STIM1: variants seen among roughly 807,000 people sequenced by gnomAD.
STIM1 encodes stromal interaction molecule 1.
Under a neutral mutation model 74.7 loss-of-function variants are expected in STIM1, and 25 were observed. The ratio of observed to expected loss-of-function variants is 0.33; its 90% CI spans 0.24 to 0.47. The LOEUF is 0.47. Ranked by LOEUF, STIM1 falls within the 20% of genes least tolerant of loss-of-function variation. The pLI is 1.00. For missense variants in STIM1, 728 were observed against 920.8 expected, an observed-to-expected ratio of 0.79 and a Z score of 2.71; for synonymous variants, 328 against 348.8, an observed-to-expected ratio of 0.94 and a Z score of 0.66.
intron 5 of STIM1, among the ~76,000 whole-genome samples, chr11:4,065,320 G>C (rs1461522212): frequency 1.3e-5 from 2 of 152,152 alleles, no homozygotes; most frequent in Non-Finnish European, 2.9e-5. Context: ...AGCTCACTCT[G>C]ATCTCTGTAC....
At chr11:4,069,615 C>A (rs1044118388) in intron 5 of STIM1, among the ~76,000 whole-genome samples, 3 of 152,160 alleles carry the variant, frequency 2.0e-5, no homozygotes, top group African/African-American at 7.2e-5. Context: ...ATCCTTTATA[C>A]CAGTCATCTC....
At chr11:4,038,536 C>A (rs1436726795) in intron 3 of STIM1, among the ~76,000 whole-genome samples, 1 of 152,130 alleles carries the variant, frequency 6.6e-6, no homozygotes, top group Non-Finnish European at 1.5e-5. Context: ...AATTGTATAA[C>A]TTCCCTCATT....
At chr11:3,992,096 T>TG (rs1356832653) in intron 2 of STIM1, among the ~76,000 whole-genome samples, 2 of 136,248 alleles carry the variant, frequency 1.5e-5, no homozygotes, top group African/African-American at 2.7e-5. Context: ...TTTGTTTTTT[T>TG]TTTTTTTTTT....
At chr11:3,981,290 A>G (rs1202900830) in intron 2 of STIM1, among the ~76,000 whole-genome samples, 1 of 152,176 alleles carries the variant, frequency 6.6e-6, no homozygotes, top group African/African-American at 2.4e-5. Context: ...GTTCGAGAGT[A>G]CTTGGCATGA....
chr11:4,088,573 G>GAC, intron 12 of STIM1: 1 of 807,502 alleles, frequency 1.2e-6, no homozygotes, highest in Non-Finnish European at 2.0e-6. Context: ...TTGGGTTGGG[G>GAC]ACACTAAGGG....
chr11:3,884,792 AAAG>A (rs1202635848), intron 1 of STIM1, among the ~76,000 whole-genome samples: 1 of 151,376 alleles, frequency 6.6e-6, no homozygotes, highest in East Asian at 1.9e-4. Context: ...AAAAAAAAAA[AAAG>A]GGGTATGTTT....
At position 4,052,018 on chromosome 11, in the gene STIM1, A is replaced by G. The variant is rs568717019; in HGVS notation, c.386-3508A>G. Among the ~76,000 whole-genome samples the G allele has an allele frequency of 7.4e-4, 113 of 152,342 alleles. 1 individual carries two copies. Among genetic ancestry groups the G allele is most frequent in the African/African-American group, 2.7e-3 (111 of 41,568 alleles). ...ACTCCCATTCACAATTGCTTCAAAG[A>G]GAATAAAATACCTAGGAATCCAACT... On this transcript the variant is annotated intron_variant, in intron 3 of 12. Coordinates refer to ENST00000526596, the MANE Select transcript of STIM1 (RefSeq NM_001382567.1).
chr11:3,910,266 G>A (rs1339755382), intron 1 of STIM1, among the ~76,000 whole-genome samples: 1 of 152,220 alleles, frequency 6.6e-6, no homozygotes, highest in Non-Finnish European at 1.5e-5. Context: ...GTTCCTAGGG[G>A]AGCTGAGGTC....
intron 1 of STIM1, among the ~76,000 whole-genome samples, chr11:3,908,144 A>C (rs905050460): frequency 6.6e-6 from 1 of 152,256 alleles, no homozygotes; most frequent in African/African-American, 2.4e-5. Context: ...CAGTGCTAGA[A>C]TACTGACTGG....
At chr11:3,922,702 C>T (rs923771869) in intron 1 of STIM1, 2 of 199,236 alleles carry the variant, frequency 1.0e-5, no homozygotes, top group South Asian at 1.1e-4. Flanking sequence ...TCTGTGACAG[C>T]GTTCAGTCCC....
chr11:4,083,573 G>A, intron 10 of STIM1, 75 bp downstream of exon 10: 2 of 1,400,526 alleles, frequency 1.4e-6, no homozygotes, highest in Non-Finnish European at 2.0e-6. Context: ...CCTCTGTTGT[G>A]CTTAAACAGC....
At chr11:3,938,795 C>A (rs561860811) in intron 1 of STIM1, among the ~76,000 whole-genome samples, 233 of 152,168 alleles carry the variant, frequency 1.5e-3, no homozygotes, top group Non-Finnish European at 2.7e-3. Flanking sequence ...TGCAGTGAGC[C>A]GAGGTAGCAC....
At chr11:3,917,336 G>A (rs549746445) in intron 1 of STIM1, among the ~76,000 whole-genome samples, 2 of 152,198 alleles carry the variant, frequency 1.3e-5, no homozygotes, top group Admixed American at 1.3e-4. Context: ...TGGAGACAGA[G>A]GCCTTGATTT....
In STIM1 at chr11:4,054,472, T is replaced by C. The variant is rs567027425; in HGVS notation, c.386-1054T>C. ...ACTGGGCTGCACAGCAGGAGATGAG[T>C]GGTGGGTGAGGGAGTATTACTGCCT... On this transcript the variant is annotated intron_variant, in intron 3 of 12. Coordinates refer to ENST00000526596, the MANE Select transcript of STIM1 (RefSeq NM_001382567.1). Among the ~76,000 whole-genome samples, 9 of 152,144 alleles carry C rather than the reference T, an allele frequency of 5.9e-5. No individual in the cohort carries two copies. In the East Asian group the frequency reaches 1.5e-3, roughly 26 times the overall value.
chr11:4,039,071 T>G (rs567258882), intron 3 of STIM1, among the ~76,000 whole-genome samples: 54 of 152,288 alleles, frequency 3.5e-4, no homozygotes, highest in African/African-American at 1.3e-3. Flanking sequence ...TAAGCTTAGA[T>G]CACAACTGCT....
chr11:3,876,762 T>C (rs2091319430), intron 1 of STIM1, among the ~76,000 whole-genome samples: 1 of 152,192 alleles, frequency 6.6e-6, no homozygotes, highest in African/African-American at 2.4e-5. Context: ...GATATCTACC[T>C]ACTAAATACA....
In STIM1 at chr11:3,939,050, A is replaced by G. The variant is rs2092972275; in HGVS notation, c.140-28502A>G. Among the ~76,000 whole-genome samples the G allele has an allele frequency of 2.0e-5, 3 of 152,356 alleles. No homozygotes were observed. In the South Asian group the frequency reaches 6.2e-4, roughly 32 times the overall value. ...TTATGTTTGGCCCCAAGTTGGGCAA[A>G]GAACTTTTCTGTATGACATATAACT... On this transcript the variant is annotated intron_variant, in intron 1 of 12. Coordinates refer to ENST00000526596, the MANE Select transcript of STIM1 (RefSeq NM_001382567.1).
intron 2 of STIM1, chr11:3,973,064 T>A (rs1223754383): frequency 9.0e-6 from 4 of 445,806 alleles, no homozygotes; most frequent in Non-Finnish European, 1.3e-5. Context: ...CTGTAGCCAC[T>A]GCCCTGATTT....
chr11:4,082,300 C>T lies in STIM1; in HGVS notation c.1086C>T (p.Tyr362=). Residue 362 remains tyrosine (Y), a synonymous_variant, in exon 8 of 13, where the codon TAC becomes TAT. Coordinates refer to ENST00000526596, the MANE Select transcript of STIM1 (RefSeq NM_001382567.1). ...QLTHEVEVQY[Y]NIKKQNAEKQ... Reference sequence around the variant, plus strand: ...CACATGAGGTGGAGGTGCAATATTACAACATCAAGAAGCAAAATGCTGAGA... The same window carrying T: ...CACATGAGGTGGAGGTGCAATATTATAACATCAAGAAGCAAAATGCTGAGA... 6.2e-7 allele frequency: 1 copy of T among 1,613,854 alleles called. No homozygotes were observed. Among genetic ancestry groups the T allele is most frequent in the Non-Finnish European group, 8.5e-7 (1 of 1,180,032 alleles).
Sources: gnomAD v4.1 joint callset for allele counts (sites outside exome capture counted in the v4.1 genomes callset) on GRCh38, gnomAD v4.1.1 for gene constraint, MANE v1.5 for transcripts, NCBI Gene and HGNC (gene_info 2026-07-23, HGNC 2026-07-21) for gene names.